Variants in MTMR7 observed in about 807,000 individuals in gnomAD.
MTMR7 encodes the protein myotubularin related protein 7, also known as phosphatidylinositol-3-phosphate phosphatase MTMR7.
A neutral mutation model predicts 81.2 loss-of-function variants in MTMR7; 76 were observed. The ratio of observed to expected loss-of-function variants is 0.94; its 90% CI spans 0.78 to 1.13. MTMR7 has a LOEUF of 1.13. Among genes scored for constraint, MTMR7 ranks in the 50% most tolerant of loss-of-function variants. MTMR7 has a pLI of 0.00. For missense variants in MTMR7, 1,044 were observed against 820.0 expected (o/e 1.27, Z -3.34); for synonymous variants, 372 against 289.8 (o/e 1.28, Z -2.88).
intron 1 of MTMR7, among the ~76,000 whole-genome samples, chr8:17,404,903 G>A (rs2150586143): frequency 6.6e-6 from 1 of 152,308 alleles, no homozygotes; most frequent in Middle Eastern, 3.4e-3. Flanking sequence ...TCAGCTCACT[G>A]CAACCTCTGC....
chr8:17,335,992 G>C (rs924681020), intron 6 of MTMR7, among the ~76,000 whole-genome samples: 9 of 152,124 alleles, frequency 5.9e-5, no homozygotes, highest in African/African-American at 2.2e-4. Context: ...GGGTGCAGAG[G>C]AGGGAGAAGA....
chr8:17,340,376 T>C (rs1819371316), intron 6 of MTMR7, among the ~76,000 whole-genome samples: 2 of 152,244 alleles, frequency 1.3e-5, no homozygotes, highest in African/African-American at 4.8e-5. Context: ...TTCTCCTCAG[T>C]CACAGGTCCA....
In MTMR7 at chr8:17,299,674, G is replaced by T. The variant is rs1018082188; in HGVS notation, c.*188C>A. The T allele has an allele frequency of 8.4e-6, 6 of 710,396 alleles. No homozygotes were observed. The South Asian group carries it at 8.6e-5, about 10-fold the overall frequency. 44.0% of individuals were successfully genotyped at this position (710,396 alleles called of 1,614,324 possible). On this transcript the variant is annotated 3_prime_UTR_variant, in exon 14 of 14. Coordinates refer to ENST00000180173, the MANE Select transcript of MTMR7 (RefSeq NM_004686.5). ...ATAATTTTCCTTATATTTGATAAATGAAATGACTACGTCCTCTTCAGTATC... is the reference window on the plus strand; with the variant it reads ...ATAATTTTCCTTATATTTGATAAATTAAATGACTACGTCCTCTTCAGTATC...
chr8:17,408,485 G>A (rs1211725703), intron 1 of MTMR7, among the ~76,000 whole-genome samples: 1 of 151,502 alleles, frequency 6.6e-6, no homozygotes, highest in South Asian at 2.1e-4. Context: ...GCTCTTTGGC[G>A]ACGTGATGAA....
chr8:17,320,259 T>TA (rs1226164509), intron 7 of MTMR7, among the ~76,000 whole-genome samples: 10 of 152,332 alleles, frequency 6.6e-5, no homozygotes, highest in Middle Eastern at 3.4e-3. Context: ...AGTATTGACT[T>TA]AGACTGCTCA....
intron 1 of MTMR7, among the ~76,000 whole-genome samples, chr8:17,403,020 T>C (rs1378745417): frequency 1.3e-5 from 2 of 152,240 alleles, no homozygotes; most frequent in Non-Finnish European, 2.9e-5. Context: ...CCTTTTCATA[T>C]ACCTGCCTGC....
intron 4 of MTMR7, among the ~76,000 whole-genome samples, chr8:17,350,885 G>C (rs1819709600): frequency 6.6e-6 from 1 of 152,158 alleles, no homozygotes; most frequent in Non-Finnish European, 1.5e-5. Context: ...GATTACCAAA[G>C]AGTTTAACAT....
chr8:17,333,478 C>G (rs922355138), intron 6 of MTMR7, among the ~76,000 whole-genome samples: 1 of 152,096 alleles, frequency 6.6e-6, no homozygotes, highest in African/African-American at 2.4e-5. Context: ...ATGAACCTTA[C>G]GTTTATGCTG....
chr8:17,298,828 T>G lies in MTMR7; in HGVS notation c.*1034A>C, dbSNP rs1202737693. On this transcript the variant is annotated 3_prime_UTR_variant, in exon 14 of 14. Coordinates refer to ENST00000180173, the MANE Select transcript of MTMR7 (RefSeq NM_004686.5). The stretch of plus-strand genomic sequence containing the variant: ...GTGCAGTGTAACAAAACAAAAATTC[T>G]TTTCAGAACTTTCAGCAGTCAGTGG... 6.6e-6 allele frequency: 1 copy of G among 152,436 alleles called. No homozygotes were observed. Among genetic ancestry groups the G allele is most frequent in the East Asian group, 1.9e-4 (1 of 5,200 alleles). The allele number at this position is 152,436 out of a possible 1,614,324, so 9.4% of individuals were successfully genotyped here.
In MTMR7 at chr8:17,331,224, G is replaced by A; in HGVS notation, c.791C>T (p.Ser264Phe). The A allele has an allele frequency of 6.2e-7, 1 of 1,612,392 alleles. No individual in the cohort carries two copies. The highest frequency in any genetic ancestry group is 8.5e-7 in the Non-Finnish European group (1 of 1,179,462). Residue 264 changes from serine (S) to phenylalanine (F), a missense_variant, in exon 7 of 14, where the codon TCC becomes TTC. Ser to Phe is a radical substitution (Grantham distance 155). Coordinates refer to ENST00000180173, the MANE Select transcript of MTMR7 (RefSeq NM_004686.5). ...GKGYENEDNY[S>F]NIKFQFIGIE... ...CCCGATAAACTGAAACTTGATATTG[G>A]AATAATTGTCTTCATTCTCATAGCC... is the stretch of plus-strand genomic sequence containing the variant.
intron 4 of MTMR7, among the ~76,000 whole-genome samples, chr8:17,351,257 A>G (rs1387933884): frequency 6.6e-5 from 10 of 152,242 alleles, no homozygotes; most frequent in Non-Finnish European, 1.2e-4. Flanking sequence ...GTAACATGCA[A>G]GATTTGTCAA....
At chr8:17,324,749 A>G (rs1377623556) in intron 7 of MTMR7, among the ~76,000 whole-genome samples, 2 of 152,210 alleles carry the variant, frequency 1.3e-5, no homozygotes, top group Admixed American at 1.3e-4. Flanking sequence ...TAATGGGAAA[A>G]TGGGTTTTCT....
chr8:17,337,988 C>T (rs1819301134), intron 6 of MTMR7, among the ~76,000 whole-genome samples: 1 of 152,160 alleles, frequency 6.6e-6, no homozygotes. Flanking sequence ...TGTGAGCAAA[C>T]CTGAGAAGTG....
chr8:17,358,888 T>C (rs546915937), intron 4 of MTMR7, among the ~76,000 whole-genome samples: 2 of 152,250 alleles, frequency 1.3e-5, no homozygotes, highest in Admixed American at 6.5e-5. Flanking sequence ...GTCTAAATAA[T>C]CTAAAAGCCC....
intron 1 of MTMR7, among the ~76,000 whole-genome samples, chr8:17,383,112 A>C (rs79155249): frequency 0.045 from 6,871 of 151,912 alleles, 205 homozygotes; most frequent in Non-Finnish European, 0.065. Flanking sequence ...CAGGGAAGGG[A>C]GCCGCTCTTA....
intron 3 of MTMR7, 113 bp from the exon 4 acceptor site, chr8:17,361,387 A>C (rs1585090069): frequency 9.2e-7 from 1 of 1,083,530 alleles, no homozygotes; most frequent in Non-Finnish European, 1.4e-6. Flanking sequence ...CCCAACCCCC[A>C]CCCCCAGCAC....
chr8:17,402,330 C>G (rs573093837), intron 1 of MTMR7, among the ~76,000 whole-genome samples: 8 of 152,200 alleles, frequency 5.3e-5, no homozygotes, highest in Admixed American at 5.2e-4. Context: ...CTATCAAATA[C>G]TAGGTCTTAC....
chr8:17,302,779 A>G (rs1450552711), intron 12 of MTMR7, among the ~76,000 whole-genome samples: 2 of 127,976 alleles, frequency 1.6e-5, no homozygotes, highest in East Asian at 2.7e-4. Flanking sequence ...GTGGTGTGAT[A>G]TCGGCTCCTT....
chr8:17,366,885 C>CAA (rs1277882494), intron 3 of MTMR7, among the ~76,000 whole-genome samples: 19 of 88,128 alleles, frequency 2.2e-4, no homozygotes, highest in African/African-American at 5.3e-4. Context: ...GACTCCATCT[C>CAA]AAAAAAAAAA....
Sources: allele counts gnomAD v4.1 joint callset (sites outside exome capture counted in the v4.1 genomes callset), GRCh38; gene constraint gnomAD v4.1.1; transcripts MANE v1.5; gene names NCBI Gene and HGNC (gene_info 2026-07-23, HGNC 2026-07-21).